Variants in MNAT1 observed in about 807,000 individuals in gnomAD.
MNAT1 encodes the protein CDK-activating kinase assembly factor MAT1.
MNAT1 carries 43 observed loss-of-function variants against 42.0 expected under a neutral mutation model. The observed-to-expected ratio is 1.02, with a 90% CI of 0.80 to 1.32. The LOEUF (loss-of-function observed/expected upper bound fraction) is 1.32. MNAT1 is among the 40% of genes most tolerant of loss of function. The pLI, the probability that MNAT1 is intolerant of heterozygous loss-of-function variation, is 0.00. For synonymous variants in MNAT1, 118 were observed against 120.0 expected, an observed-to-expected ratio of 0.98 and a Z score of 0.11; for missense variants, 306 against 350.4, an observed-to-expected ratio of 0.87 and a Z score of 1.01.
chr14:60,916,293 C>T (rs2139540400), intron 7 of MNAT1, among the ~76,000 whole-genome samples: 1 of 152,258 alleles, frequency 6.6e-6, no homozygotes, highest in Admixed American at 6.5e-5. Flanking sequence ...GTTTTTTAGA[C>T]TGTAGGTTAT....
intron 7 of MNAT1, among the ~76,000 whole-genome samples, chr14:60,882,997 T>C (rs1183185729): frequency 6.6e-6 from 1 of 152,176 alleles, no homozygotes; most frequent in Non-Finnish European, 1.5e-5. Context: ...CCTTGTCAGA[T>C]GGGTAGTTTG....
At chr14:60,792,146 T>G (rs1422945986) in intron 1 of MNAT1, among the ~76,000 whole-genome samples, 1 of 152,184 alleles carries the variant, frequency 6.6e-6, no homozygotes, top group East Asian at 1.9e-4. Flanking sequence ...GTGTTATTTT[T>G]TTCATGTGTT....
At chr14:60,886,698 T>A (rs566589718) in intron 7 of MNAT1, among the ~76,000 whole-genome samples, 1 of 152,074 alleles carries the variant, frequency 6.6e-6, no homozygotes, top group African/African-American at 2.4e-5. Context: ...TAAAGAAATA[T>A]AGCTGATTTT....
intron 7 of MNAT1, among the ~76,000 whole-genome samples, chr14:60,917,434 GCAAT>G (rs1389284356): frequency 6.6e-6 from 1 of 151,968 alleles, no homozygotes; most frequent in Non-Finnish European, 1.5e-5. Context: ...TAAATATAGC[GCAAT>G]CAAATTTTTA....
At chr14:60,874,545 T>G (rs963498138) in intron 6 of MNAT1, among the ~76,000 whole-genome samples, 30 of 152,258 alleles carry the variant, frequency 2.0e-4, no homozygotes, top group African/African-American at 5.3e-4. Flanking sequence ...CCCCTTGATA[T>G]TCTATCTTTT....
chr14:60,756,830 T>C (rs2030376060), intron 1 of MNAT1, among the ~76,000 whole-genome samples: 1 of 152,196 alleles, frequency 6.6e-6, no homozygotes, highest in African/African-American at 2.4e-5. Context: ...AATGTATAAA[T>C]GCCCTTGCGT....
intron 1 of MNAT1, among the ~76,000 whole-genome samples, chr14:60,771,842 T>G (rs918130092): frequency 4.6e-5 from 7 of 152,246 alleles, no homozygotes; most frequent in African/African-American, 1.4e-4. Flanking sequence ...TGCTACATGA[T>G]GGGCACCTAA....
chr14:60,796,340 G>A lies in MNAT1; in HGVS notation c.213G>A (p.Glu71=), dbSNP rs1461031747. The change falls in exon 2 of 8, where the codon GAG becomes GAA. Residue 71 remains glutamate (E), a synonymous_variant. Transcript: ENST00000261245. ...QLFEDPTVDK[E]VEIRKKVLKI... ...TTGAAGATCCCACTGTTGACAAGGA[G>A]GTTGAGATCAGGAAAAAAGTGCTAA... 5 of 1,613,024 alleles carry A rather than the reference G, an allele frequency of 3.1e-6. No individual in the cohort carries two copies. In the Admixed American group the frequency reaches 5.0e-5, roughly 16 times the overall value.
intron 7 of MNAT1, among the ~76,000 whole-genome samples, chr14:60,931,163 G>A (rs1314584654): frequency 6.6e-6 from 1 of 152,120 alleles, no homozygotes; most frequent in Non-Finnish European, 1.5e-5. Flanking sequence ...CTGACTTCAG[G>A]TGCAGGGTAA....
chr14:60,849,260 T>G (rs1341331864), intron 6 of MNAT1, among the ~76,000 whole-genome samples: 4 of 152,208 alleles, frequency 2.6e-5, no homozygotes, highest in Non-Finnish European at 4.4e-5. Context: ...TTTGCTGTAA[T>G]TTTTTCATTT....
At chr14:60,851,603 A>G (rs976966872) in intron 6 of MNAT1, among the ~76,000 whole-genome samples, 2 of 152,122 alleles carry the variant, frequency 1.3e-5, no homozygotes, top group Admixed American at 6.6e-5. Context: ...TTACGTAGGT[A>G]CACATGTGCC....
At chr14:60,870,211 A>G (rs2034298421) in intron 6 of MNAT1, among the ~76,000 whole-genome samples, 2 of 152,128 alleles carry the variant, frequency 1.3e-5, no homozygotes, top group Admixed American at 1.3e-4. Context: ...CTAGCAAATG[A>G]TGGAAATATA....
At chr14:60,750,569 G>A (rs1328576935) in intron 1 of MNAT1, among the ~76,000 whole-genome samples, 1 of 145,290 alleles carries the variant, frequency 6.9e-6, no homozygotes, top group Non-Finnish European at 1.5e-5. Flanking sequence ...AGGAGGAAAA[G>A]GAAAGTTTAT....
intron 6 of MNAT1, among the ~76,000 whole-genome samples, chr14:60,853,763 T>G (rs1188974185): frequency 6.6e-6 from 1 of 152,206 alleles, no homozygotes; most frequent in Non-Finnish European, 1.5e-5. Context: ...GAAGGGGTAT[T>G]GAATTTTGTT....
In MNAT1 at chr14:60,770,885, T is replaced by G. The variant is rs532764390; in HGVS notation, c.90-25332T>G. ...ATAGTTGTAATTTGTTCATTTCCAC[T>G]GTTATATAGTATTCCATTGTAGGAC... On this transcript the variant is annotated intron_variant, in intron 1 of 7. Transcript: ENST00000261245. 9.2e-5 allele frequency among the ~76,000 whole-genome samples: 14 copies of G among 152,336 alleles called. 1 individual carries two copies. In the South Asian group the frequency reaches 2.9e-3, roughly 32 times the overall value.
At position 60,905,663 on chromosome 14, in the gene MNAT1, G is replaced by A. The variant is rs4151337; in HGVS notation, c.809+25828G>A. ...AGACTTAGCGGGGGTGGAGGTGAAA[G>A]TCATGGAGTATGAAGGCCCAAGAAC... On this transcript the variant is annotated intron_variant, in intron 7 of 7. Coordinates refer to ENST00000261245, the MANE Select transcript of MNAT1 (RefSeq NM_002431.4). 3.5e-3 allele frequency among the ~76,000 whole-genome samples: 538 copies of A among 152,308 alleles called. 5 individuals are homozygous for A. The highest frequency in any genetic ancestry group is 0.012 in the African/African-American group (495 of 41,560).
At chr14:60,810,634 A>G (rs1018103371) in intron 4 of MNAT1, among the ~76,000 whole-genome samples, 1 of 152,082 alleles carries the variant, frequency 6.6e-6, no homozygotes, top group South Asian at 2.1e-4. Flanking sequence ...ATTTTCACAT[A>G]TGTGCATATT....
At chr14:60,887,996 C>T (rs1481474430) in intron 7 of MNAT1, among the ~76,000 whole-genome samples, 1 of 150,192 alleles carries the variant, frequency 6.7e-6, no homozygotes, top group African/African-American at 2.5e-5. Context: ...CAGATGGATT[C>T]ACAGCTGAAT....
At chr14:60,818,309 A>C (rs2032776658) in intron 5 of MNAT1, among the ~76,000 whole-genome samples, 1 of 152,030 alleles carries the variant, frequency 6.6e-6, no homozygotes, top group Admixed American at 6.5e-5. Flanking sequence ...ATCATTTCCA[A>C]ACGGTCTCAG....
Sources: gnomAD v4.1 joint callset for allele counts (sites outside exome capture counted in the v4.1 genomes callset) on GRCh38, gnomAD v4.1.1 for gene constraint, MANE v1.5 for transcripts, NCBI Gene and HGNC (gene_info 2026-07-23, HGNC 2026-07-21) for gene names.